KANK2: variants seen among roughly 807,000 people sequenced by gnomAD.
The protein encoded by KANK2 is KN motif and ankyrin repeat domain-containing protein 2.
Under a neutral mutation model 74.6 loss-of-function variants are expected in KANK2, and 41 were observed. The observed-to-expected ratio is 0.55, with a 90% confidence interval of 0.43 to 0.71. The LOEUF is 0.71. Ranked by LOEUF, KANK2 falls within the 30% of genes least tolerant of loss-of-function variation. The pLI, the probability that KANK2 is intolerant of heterozygous loss-of-function variation, is 0.00. For missense variants in KANK2, 1,148 were observed against 1,196.4 expected (o/e 0.96, Z 0.60); for synonymous variants, 537 against 519.0 (o/e 1.03, Z -0.47).
At chr19:11,190,746 G>T (rs1373266560) in intron 4 of KANK2, among the ~76,000 whole-genome samples, 5 of 140,046 alleles carry the variant, frequency 3.6e-5, no homozygotes, top group African/African-American at 1.3e-4. Context: ...CATTATTATT[G>T]TTGAGACACA....
intron 3 of KANK2, 54 bp downstream of exon 3, chr19:11,194,421 G>A (rs892249421): frequency 1.4e-6 from 2 of 1,445,230 alleles, no homozygotes; most frequent in Non-Finnish European, 9.7e-7. Flanking sequence ...GCCCCCTCAG[G>A]CCTCCAGAAC....
chr19:11,196,930 G>A (rs2079037185), intron 1 of KANK2: 1 of 152,110 alleles, frequency 6.6e-6, no homozygotes, highest in Non-Finnish European at 1.5e-5. Flanking sequence ...ACTCGGGGTG[G>A]GGGGAGGCGA....
chr19:11,173,221 C>T (rs2078230221), intron 9 of KANK2, 98 bp from the exon 10 acceptor site: 1 of 1,282,604 alleles, frequency 7.8e-7, no homozygotes, highest in Non-Finnish European at 1.1e-6. Flanking sequence ...TCTAGGCATG[C>T]CCTAATCCCT....
intron 2 of KANK2, chr19:11,194,981 T>TG (rs2078975788): frequency 6.2e-6 from 1 of 161,338 alleles, no homozygotes; most frequent in Admixed American, 5.9e-5. Context: ...GCTAAGGGGT[T>TG]GGGGAAGAAG....
At chr19:11,169,848 C>A (rs370063844) in intron 12 of KANK2, 29 bp downstream of exon 12, 38 of 1,579,778 alleles carry the variant, frequency 2.4e-5, no homozygotes, top group Non-Finnish European at 3.0e-5. Flanking sequence ...CCACCCATCC[C>A]GTGCCTACCC....
chr19:11,191,914 C>T (rs757092970), intron 4 of KANK2, among the ~76,000 whole-genome samples: 3 of 151,998 alleles, frequency 2.0e-5, no homozygotes, highest in Non-Finnish European at 2.9e-5. Flanking sequence ...AAAAAATTAA[C>T]GAGGCACAGT....
Position 11,193,319 on chromosome 19 carries a change from T to C in KANK2, c.761A>G (p.Asp254Gly), listed in dbSNP as rs762366120. Reference sequence around the variant, plus strand: ...CAGTGCCACTGGGTCCTCTGGGGGATCGGGGAGGTCCAGGCAGAGCTCGCT... The same window carrying C: ...CAGTGCCACTGGGTCCTCTGGGGGACCGGGGAGGTCCAGGCAGAGCTCGCT... ...GRSELCLDLP[D>G]PPEDPVALET... The change falls in exon 4 of 13, where the codon GAT (aspartate) becomes GGT (glycine). Residue 254 changes from aspartate to glycine, a missense_variant. Asp to Gly is a moderately conservative substitution (Grantham distance 94). Transcript: ENST00000586659. The surrounding 1 kb of genome is among the most constrained non-coding windows in gnomAD (Gnocchi z 9.6). The C allele has an allele frequency of 1.2e-5, 19 of 1,612,336 alleles. No individual in the cohort carries two copies. The African/African-American group carries it at 2.5e-4, about 22-fold the overall frequency.
Position 11,193,288 on chromosome 19 carries a change from G to A in KANK2, c.792C>T (p.Thr264=). The change falls in exon 4 of 13, where the codon ACC becomes ACT. Residue 264 remains threonine (T), a synonymous_variant. Transcript: ENST00000586659. The surrounding 1 kb of genome is among the most constrained non-coding windows in gnomAD (Gnocchi z 9.6). ...CTCGAACCCAGGTGCCCACACTCCGGGTCTCCAGTGCCACTGGGTCCTCTG... is the reference window on the plus strand; with the variant it reads ...CTCGAACCCAGGTGCCCACACTCCGAGTCTCCAGTGCCACTGGGTCCTCTG... The part of the protein sequence containing the change: ...DPPEDPVALE[T]RSVGTWVRER... 1 of 1,611,924 alleles carries A rather than the reference G, an allele frequency of 6.2e-7. No individual in the cohort carries two copies.
rs371698385 is a variant in KANK2, at chr19:11,193,397, A to G, written c.683T>C (p.Val228Ala). ...VLQEEKRQLT[V>A]QLKSQKFLGH... ...CAGGAACTTCTGGCTCTTAAGTTGT[A>G]CTGTGAGCTGCCGCTTTTCCTCCTG... The change falls in exon 4 of 13, where the codon GTA becomes GCA. Residue 228 changes from valine (V) to alanine (A), a missense_variant. Val to Ala is a moderately conservative substitution (Grantham distance 64). Coordinates refer to ENST00000586659, the MANE Select transcript of KANK2 (RefSeq NM_001136191.3). The surrounding 1 kb of genome is among the most constrained non-coding windows in gnomAD (Gnocchi z 9.6). 1.2e-5 allele frequency: 20 copies of G among 1,612,728 alleles called. No individual in the cohort carries two copies. The highest frequency in any genetic ancestry group is 1.7e-5 in the Non-Finnish European group (20 of 1,179,954).
At chr19:11,176,536 A>AC (rs1331197365) in intron 7 of KANK2, 42 bp downstream of exon 7, 2 of 1,523,232 alleles carry the variant, frequency 1.3e-6, no homozygotes, top group Non-Finnish European at 1.8e-6. Flanking sequence ...GAGGTCATCC[A>AC]CCCCCGGCCC....
Position 11,193,642 on chromosome 19 carries a change from G to A in KANK2, c.438C>T (p.Gly146=). ...EDQAATPTGL[G]SLTPSAAGST... ...AGCCGGCCGCACTGGGGGTCAGGGA[G>A]CCCAGGCCGGTGGGTGTGGCCGCCT... Residue 146 remains glycine, a synonymous_variant, in exon 4 of 13, where the codon GGC becomes GGT. Transcript: ENST00000586659. The surrounding 1 kb of genome is among the most constrained non-coding windows in gnomAD (Gnocchi z 9.6). 6.3e-7 allele frequency: 1 copy of A among 1,597,042 alleles called. No homozygotes were observed.
In KANK2 at chr19:11,178,659, A is replaced by C. The variant is rs2078422756; in HGVS notation, c.1311T>G (p.Leu437=). The change falls in exon 5 of 13, where the codon CTT becomes CTG. Residue 437 remains leucine (L), a synonymous_variant. Coordinates refer to ENST00000586659, the MANE Select transcript of KANK2 (RefSeq NM_001136191.3). ...GGCCTGTGCTCTTCTCAGGCTGTGT[A>C]AGGGAGGCTACCTCGGACCCCGGGG... ...SSPPGSEVAS[L]TQPEKSTGRV... is the part of the protein sequence containing the mutation. 1.3e-6 allele frequency: 2 copies of C among 1,562,910 alleles called. No individual in the cohort carries two copies. The highest frequency in any genetic ancestry group is 1.7e-6 in the Non-Finnish European group (2 of 1,160,916).
intron 2 of KANK2, 25 bp from the exon 3 acceptor site, chr19:11,194,615 G>T (rs1047772348): frequency 9.3e-5 from 86 of 920,174 alleles, no homozygotes; most frequent in Non-Finnish European, 6.0e-5. Flanking sequence ...CCACGGCGCC[G>T]GGAGTTAGGA....
intron 6 of KANK2, 30 bp downstream of exon 6, chr19:11,178,314 TG>T: frequency 1.7e-6 from 1 of 594,694 alleles, no homozygotes; most frequent in Non-Finnish European, 2.4e-6. Flanking sequence ...GCGGGAAGTA[TG>T]GGGTGGGGGG....
At chr19:11,189,892 G>A (rs1171486680) in intron 4 of KANK2, among the ~76,000 whole-genome samples, 1 of 152,144 alleles carries the variant, frequency 6.6e-6, no homozygotes, top group African/African-American at 2.4e-5. Flanking sequence ...CTCTGGCAGG[G>A]GGCCAGAACC....
At chr19:11,173,973 C>T (rs149958840) in intron 9 of KANK2, among the ~76,000 whole-genome samples, 1 of 152,132 alleles carries the variant, frequency 6.6e-6, no homozygotes, top group Non-Finnish European at 1.5e-5. Flanking sequence ...GTGTCTCCTC[C>T]ATCAGCCTGG....
At chr19:11,187,496 G>T (rs138725475) in intron 4 of KANK2, among the ~76,000 whole-genome samples, 9 of 152,220 alleles carry the variant, frequency 5.9e-5, no homozygotes, top group Admixed American at 2.6e-4. Context: ...GATTAGATGG[G>T]GTGGGGGTGG....
chr19:11,175,959 G>A lies in KANK2; in HGVS notation c.1791C>T (p.Ala597=). 1 of 1,613,960 alleles carries A rather than the reference G, an allele frequency of 6.2e-7. No homozygotes were observed. The highest frequency in any genetic ancestry group is 8.5e-7 in the Non-Finnish European group (1 of 1,179,904). The change falls in exon 8 of 13, where the codon GCC becomes GCT. Residue 597 remains alanine, a synonymous_variant. Coordinates refer to ENST00000586659, the MANE Select transcript of KANK2 (RefSeq NM_001136191.3). ...CCAGGTACTTTTCCAGGGCCAAGCA[G>A]GCTGAGATGAGGTCAGGGCTTAGCT... The part of the protein sequence containing the change: ...RMELSPDLIS[A]CLALEKYLDN...
In KANK2 at chr19:11,170,061, G is replaced by T; in HGVS notation, c.2399C>A (p.Ser800Ter). 6.2e-7 allele frequency: 1 copy of T among 1,613,650 alleles called. No homozygotes were observed. Among genetic ancestry groups the T allele is most frequent in the Non-Finnish European group, 8.5e-7 (1 of 1,179,676 alleles). Residue 800 changes from serine to a stop codon, truncating the protein, a stop_gained, in exon 11 of 13, where the codon TCA becomes TAA. Transcript: ENST00000586659. LOFTEE classifies it high-confidence loss of function. The surrounding 1 kb of genome is among the most constrained non-coding windows in gnomAD (Gnocchi z 5.2). ...LLLAVPSCDI[S>*]LTDRDGSTAL... ...TTGGAGACTCACGCGATCTGTGAGT[G>T]AGATGTCACAGCTGGGCACGGCCAG...
Sources: allele counts gnomAD v4.1 joint callset (sites outside exome capture counted in the v4.1 genomes callset), GRCh38; gene constraint gnomAD v4.1.1; non-coding constraint Gnocchi (gnomAD v3.1); transcripts MANE v1.5; gene names NCBI Gene and HGNC (gene_info 2026-07-23, HGNC 2026-07-21).